The following BMP7 variants were observed in gnomAD, a reference collection of about 807,000 sequenced individuals.
BMP7 encodes the protein bone morphogenetic protein 7, also known as osteogenic protein 1.
Under a neutral mutation model 41.2 loss-of-function variants are expected in BMP7, and 12 were observed. That is an observed-to-expected ratio of 0.29 (90% CI 0.19 to 0.47). The LOEUF is 0.47. BMP7 is among the 20% of genes least tolerant of loss of function. The pLI is 0.99. For missense variants in BMP7, 467 were observed against 606.0 expected, an observed-to-expected ratio of 0.77 and a Z score of 2.41; for synonymous variants, 248 against 250.0, an observed-to-expected ratio of 0.99 and a Z score of 0.07.
chr20:57,255,799 CAAAAA>C (rs3067106), intron 1 of BMP7, among the ~76,000 whole-genome samples: 32 of 48,612 alleles, frequency 6.6e-4, no homozygotes, highest in South Asian at 1.5e-3. Flanking sequence ...GACTCCATCT[CAAAAA>C]AAAAAAAAAA....
At chr20:57,234,081 A>C (rs2066038898) in intron 1 of BMP7, among the ~76,000 whole-genome samples, 1 of 150,798 alleles carries the variant, frequency 6.6e-6, no homozygotes. Context: ...ATGTCCCCCC[A>C]CCCCCACTCC....
At chr20:57,223,196 C>CTCCA (rs1229335098) in intron 2 of BMP7, among the ~76,000 whole-genome samples, 2 of 150,978 alleles carry the variant, frequency 1.3e-5, no homozygotes, top group Non-Finnish European at 2.9e-5. Context: ...TGCCACTGCA[C>CTCCA]TCCAGCCTGG....
At chr20:57,212,915 C>T (rs1461268435) in intron 2 of BMP7, among the ~76,000 whole-genome samples, 1 of 152,250 alleles carries the variant, frequency 6.6e-6, no homozygotes, top group Non-Finnish European at 1.5e-5. Flanking sequence ...GAATGCCCTG[C>T]TTTCCTGCCA....
At chr20:57,183,559 T>C (rs1431684396) in intron 4 of BMP7, among the ~76,000 whole-genome samples, 163 bp downstream of exon 4, 1 of 152,250 alleles carries the variant, frequency 6.6e-6, no homozygotes, top group African/African-American at 2.4e-5. Context: ...AGAATTAAGA[T>C]GTCCTGTGTA....
At chr20:57,179,345 C>T (rs1984016864) in intron 4 of BMP7, among the ~76,000 whole-genome samples, 1 of 152,376 alleles carries the variant, frequency 6.6e-6, no homozygotes, top group African/African-American at 2.4e-5. Context: ...ACCTCCTCAA[C>T]CCCCTGCTTG....
chr20:57,199,399 C>T (rs941810414), intron 3 of BMP7, among the ~76,000 whole-genome samples: 1 of 152,188 alleles, frequency 6.6e-6, no homozygotes, highest in Non-Finnish European at 1.5e-5. Context: ...GAATAAAAAG[C>T]TACATACTGG....
At chr20:57,244,055 G>A (rs2066080110) in intron 1 of BMP7, 1 of 152,208 alleles carries the variant, frequency 6.6e-6, no homozygotes, top group African/African-American at 2.4e-5. Context: ...CCACTGGGCT[G>A]CCAGTTAAAG....
At chr20:57,218,940 G>GT (rs1985112152) in intron 2 of BMP7, among the ~76,000 whole-genome samples, 1 of 150,250 alleles carries the variant, frequency 6.7e-6, no homozygotes, top group South Asian at 2.2e-4. Flanking sequence ...GGTAGCTGGT[G>GT]TTGGTTAGGT....
At position 57,221,399 on chromosome 20, in the gene BMP7, G is replaced by A. The variant is rs75990114; in HGVS notation, c.611+6830C>T. ...ATTTACAGGACTGGACTGCCACGAG[G>A]AGAAAGAAAAAAGTGTATCCACCAG... On this transcript the variant is annotated intron_variant, in intron 2 of 6. Transcript: ENST00000395863. Among the ~76,000 whole-genome samples the A allele has an allele frequency of 9.0e-3, 1,376 of 152,226 alleles. 13 individuals carry two copies. Among genetic ancestry groups the A allele is most frequent in the East Asian group, 0.021 (110 of 5,184 alleles).
intron 4 of BMP7, 34 bp downstream of exon 4, chr20:57,183,688 T>C: frequency 6.2e-7 from 1 of 1,612,550 alleles, no homozygotes. Flanking sequence ...TGGGTTCCTG[T>C]GGTGGGTCTG....
intron 2 of BMP7, among the ~76,000 whole-genome samples, chr20:57,225,116 C>G (rs1055501546): frequency 6.6e-6 from 1 of 152,156 alleles, no homozygotes; most frequent in Non-Finnish European, 1.5e-5. Context: ...TGGGCTCCCC[C>G]GGGCTGAGGT....
Position 57,173,235 on chromosome 20 carries a change from T to C in BMP7, c.1111A>G (p.Met371Val). The C allele has an allele frequency of 6.2e-7, 1 of 1,614,118 alleles. No homozygotes were observed. Among genetic ancestry groups the C allele is most frequent in the Non-Finnish European group, 8.5e-7 (1 of 1,180,016 alleles). ...GECAFPLNSY[M>V]NATNHAIVQT... ...ACGATGGCGTGGTTGGTGGCGTTCA[T>C]GTAGGAGTTCAGAGGGAAGGCACAC... is the stretch of plus-strand genomic sequence containing the variant. Residue 371 changes from methionine (M) to valine (V), a missense_variant, in exon 6 of 7, where the codon ATG becomes GTG. Coordinates refer to ENST00000395863, the MANE Select transcript of BMP7 (RefSeq NM_001719.3).
chr20:57,178,662 G>A (rs1316888366), intron 4 of BMP7, among the ~76,000 whole-genome samples: 3 of 152,154 alleles, frequency 2.0e-5, no homozygotes, highest in African/African-American at 4.8e-5. Context: ...AGGGCCACAG[G>A]TAGCCATGCC....
Position 57,174,981 on chromosome 20 carries a change from C to G in BMP7, c.985G>C (p.Ala329Pro), listed in dbSNP as rs754520569. Residue 329 changes from alanine to proline, a missense_variant, in exon 5 of 7, where the codon GCC becomes CCC. This residue lies in a region of BMP7 where 407 missense variants were observed against 485.9 expected (regional missense o/e 0.84). Transcript: ENST00000395863. This position sits in a 1 kb window ranked among gnomAD's most constrained non-coding sequence, Gnocchi z 4.3. ...AENSSSDQRQACKKHELYVSF... is the reference protein window; with the variant it reads ...AENSSSDQRQPCKKHELYVSF... ...ACATACAGCTCGTGCTTCTTACAGG[C>G]CTGCCTCTGGTCGCTGCTGCTGTTC... 2.9e-5 allele frequency: 46 copies of G among 1,612,134 alleles called. No homozygotes were observed. The highest frequency in any genetic ancestry group is 3.6e-5 in the Non-Finnish European group (43 of 1,179,928).
intron 1 of BMP7, among the ~76,000 whole-genome samples, chr20:57,258,263 G>T (rs1322104429): frequency 6.6e-6 from 1 of 152,158 alleles, no homozygotes; most frequent in Non-Finnish European, 1.5e-5. Context: ...CTCGGTATCT[G>T]GCCCTGAAGC....
intron 3 of BMP7, among the ~76,000 whole-genome samples, chr20:57,197,136 G>A (rs1449846413): frequency 2.6e-5 from 4 of 151,860 alleles, no homozygotes; most frequent in African/African-American, 4.8e-5. Flanking sequence ...TCCTGACCTC[G>A]TGATCTGCCC....
chr20:57,173,075 C>T (rs1447884273), intron 6 of BMP7, 125 bp downstream of exon 6: 2 of 1,065,464 alleles, frequency 1.9e-6, no homozygotes. Flanking sequence ...CAAGGGGCCC[C>T]CAAAAGTCAT....
At chr20:57,202,734 A>C in intron 2 of BMP7, 111 bp from the exon 3 acceptor site, 1 of 1,257,016 alleles carries the variant, frequency 8.0e-7, no homozygotes, top group Admixed American at 2.0e-5. Context: ...GAAAGAGTCC[A>C]CTGGTCCCCG....
At chr20:57,223,983 GC>G (rs1985250108) in intron 2 of BMP7, among the ~76,000 whole-genome samples, 1 of 152,176 alleles carries the variant, frequency 6.6e-6, no homozygotes. Flanking sequence ...ACCACATCCA[GC>G]CCCACCTACC....
Sources: allele counts gnomAD v4.1 joint callset (sites outside exome capture counted in the v4.1 genomes callset), GRCh38; gene constraint gnomAD v4.1.1; regional missense constraint gnomAD v4.1.1; non-coding constraint Gnocchi (gnomAD v3.1); transcripts MANE v1.5; gene names NCBI Gene and HGNC (gene_info 2026-07-23, HGNC 2026-07-21).